Variants in LMBR1 observed in about 807,000 individuals in gnomAD.
LMBR1 encodes the protein limb development membrane protein 1.
LMBR1 carries 52 observed loss-of-function variants against 73.9 expected under a neutral mutation model. The ratio of observed to expected loss-of-function variants is 0.70; its 90% confidence interval spans 0.56 to 0.89. The LOEUF is 0.89. LMBR1 is among the 40% of genes least tolerant of loss of function. The pLI, the probability that LMBR1 is intolerant of heterozygous loss-of-function variation, is 0.00. For synonymous variants in LMBR1, 215 were observed against 209.4 expected (o/e 1.03, Z -0.23); for missense variants, 539 against 579.8 (o/e 0.93, Z 0.72).
At chr7:156,808,370 T>G (rs1832513010) in intron 4 of LMBR1, among the ~76,000 whole-genome samples, 2 of 152,160 alleles carry the variant, frequency 1.3e-5, no homozygotes, top group Non-Finnish European at 2.9e-5. Context: ...GGTAATATTC[T>G]TTGCCCTTGT....
chr7:156,784,997 A>G (rs1345476535), intron 5 of LMBR1, among the ~76,000 whole-genome samples: 1 of 152,230 alleles, frequency 6.6e-6, no homozygotes, highest in South Asian at 2.1e-4. Context: ...CGGCACCAGA[A>G]AAATATATGT....
In LMBR1 at chr7:156,796,408, C is replaced by T; in HGVS notation, c.404G>A (p.Gly135Asp). The change falls in exon 5 of 17, where the codon GGC becomes GAC. Residue 135 changes from glycine to aspartate, a missense_variant. By Grantham distance (94) the Gly-to-Asp change is moderately conservative (BLOSUM62 -1). Coordinates refer to ENST00000353442, the MANE Select transcript of LMBR1 (RefSeq NM_022458.4). The stretch of plus-strand genomic sequence containing the variant: ...ACTTACCTTTTTCAGGCCAGCAAAG[C>T]CTTCTGATTCCAGAAAGAAAAAGGC... ...PFAFFFLESE[G>D]FAGLKKGIRA... is the part of the protein sequence containing the mutation. The T allele has an allele frequency of 6.2e-7, 1 of 1,603,750 alleles. No homozygotes were observed. The highest frequency in any genetic ancestry group is 8.5e-7 in the Non-Finnish European group (1 of 1,176,070).
intron 4 of LMBR1, among the ~76,000 whole-genome samples, chr7:156,810,753 G>A (rs1293081915): frequency 1.3e-5 from 2 of 151,642 alleles, no homozygotes; most frequent in African/African-American, 4.8e-5. Flanking sequence ...CAGCACTATT[G>A]TCACTTTTCA....
intron 4 of LMBR1, 36 bp from the exon 5 acceptor site, chr7:156,796,528 G>A (rs965135104): frequency 2.0e-5 from 27 of 1,363,458 alleles, no homozygotes; most frequent in East Asian, 2.4e-5. Flanking sequence ...AGAAAAACAG[G>A]TTAGATATTG....
Position 156,685,392 on chromosome 7 carries a change from G to A in LMBR1, c.1388-1229C>T, listed in dbSNP as rs181384618. On this transcript the variant is annotated intron_variant, in intron 16 of 16. Coordinates refer to ENST00000353442, the MANE Select transcript of LMBR1 (RefSeq NM_022458.4). The surrounding 1 kb of genome is among the most constrained non-coding windows in gnomAD (Gnocchi z 4.1). Reference sequence around the variant, plus strand: ...AGGAATGCATTCTGAGAAATGCGCTGTCGAGCGATTCTGTCGCTGTGATGC... The same window carrying A: ...AGGAATGCATTCTGAGAAATGCGCTATCGAGCGATTCTGTCGCTGTGATGC... Among the ~76,000 whole-genome samples, 1 of 152,342 alleles carries A rather than the reference G, an allele frequency of 6.6e-6. No individual in the cohort carries two copies. The highest frequency in any genetic ancestry group is 1.9e-4 in the East Asian group (1 of 5,182).
intron 10 of LMBR1, among the ~76,000 whole-genome samples, chr7:156,733,640 C>T (rs764980417): frequency 5.3e-5 from 8 of 152,078 alleles, no homozygotes; most frequent in Non-Finnish European, 1.0e-4. Flanking sequence ...AATAAAGGAA[C>T]ATCCTTCAGC....
intron 1 of LMBR1, among the ~76,000 whole-genome samples, chr7:156,862,115 G>C (rs1586298120): frequency 1.3e-5 from 2 of 152,176 alleles, no homozygotes; most frequent in Admixed American, 1.3e-4. Flanking sequence ...ACCAGAAACT[G>C]GGCAATTTAC....
intron 4 of LMBR1, among the ~76,000 whole-genome samples, chr7:156,817,290 A>G (rs999102053): frequency 3.3e-5 from 5 of 152,202 alleles, no homozygotes; most frequent in African/African-American, 9.6e-5. Context: ...GAGTTCAGCC[A>G]TACTCAATAA....
At chr7:156,865,485 T>C (rs544950722) in intron 1 of LMBR1, among the ~76,000 whole-genome samples, 8 of 152,180 alleles carry the variant, frequency 5.3e-5, no homozygotes, top group South Asian at 2.1e-4. Flanking sequence ...GAATTTAATA[T>C]TGATGGGATA....
chr7:156,877,140 A>C (rs533587036), intron 1 of LMBR1, among the ~76,000 whole-genome samples: 9 of 152,202 alleles, frequency 5.9e-5, no homozygotes, highest in Non-Finnish European at 7.3e-5. Flanking sequence ...TAGACACATA[A>C]ACTAGAAAAC....
chr7:156,714,804 C>A (rs564982700), intron 15 of LMBR1, among the ~76,000 whole-genome samples: 2 of 152,190 alleles, frequency 1.3e-5, no homozygotes, highest in Admixed American at 1.3e-4. Context: ...AAGTGCCTGG[C>A]ACTAAGAAGG....
At chr7:156,873,908 A>G (rs537272930) in intron 1 of LMBR1, among the ~76,000 whole-genome samples, 13 of 152,116 alleles carry the variant, frequency 8.5e-5, no homozygotes, top group Non-Finnish European at 1.5e-4. Context: ...GACTCTCCAC[A>G]TCCCCACCAG....
rs570255450 is a variant in LMBR1, at chr7:156,691,900, G to GA, written c.1226-3710dup. ...ATAATATTAGCTAAGACAGTGTTGG[G>GA]AAAAAAAAGTGACAAAGAGTATGAA... On this transcript the variant is annotated intron_variant, in intron 15 of 16. Transcript: ENST00000353442. Among the ~76,000 whole-genome samples, 15 of 151,782 alleles carry GA rather than the reference G, an allele frequency of 9.9e-5. No homozygotes were observed. In the South Asian group the frequency reaches 2.1e-3, roughly 21 times the overall value.
chr7:156,697,520 G>A (rs1808570217), intron 15 of LMBR1, among the ~76,000 whole-genome samples: 1 of 152,004 alleles, frequency 6.6e-6, no homozygotes, highest in Non-Finnish European at 1.5e-5. Context: ...TTCCCAGAGC[G>A]GCCGTTTATA....
At chr7:156,754,415 GT>G (rs1186019302) in intron 9 of LMBR1, among the ~76,000 whole-genome samples, 1 of 152,064 alleles carries the variant, frequency 6.6e-6, no homozygotes, top group Non-Finnish European at 1.5e-5. Context: ...TGGCTGTCAT[GT>G]TTTTTTGCAT....
chr7:156,683,187 A>G lies in LMBR1; in HGVS notation c.*891T>C, dbSNP rs1173217184. 1 of 152,240 alleles carries G rather than the reference A, an allele frequency of 6.6e-6. No individual in the cohort carries two copies. Among genetic ancestry groups the G allele is most frequent in the Non-Finnish European group, 1.5e-5 (1 of 68,030 alleles). The allele number at this position is 152,240 out of a possible 1,614,324, so 9.4% of individuals were successfully genotyped here. A position where few individuals can be genotyped will look rare whatever the true frequency, so the allele number is the denominator to read the frequency against. ...GGAGTTTCTACCACTCGGCATTTAT[A>G]GTTTTTATATGCATTGCAGAAGCAT... On this transcript the variant is annotated 3_prime_UTR_variant, in exon 17 of 17. Transcript: ENST00000353442.
chr7:156,783,988 GT>G (rs1221913229), intron 5 of LMBR1, among the ~76,000 whole-genome samples: 1 of 144,078 alleles, frequency 6.9e-6, no homozygotes, highest in East Asian at 2.0e-4. Flanking sequence ...GTTATTTTGG[GT>G]TTTTTTCTGT....
At chr7:156,719,128 C>G (rs187386599) in intron 15 of LMBR1, among the ~76,000 whole-genome samples, 81 of 134,668 alleles carry the variant, frequency 6.0e-4, no homozygotes, top group Non-Finnish European at 1.1e-3. Flanking sequence ...TGCTATCCCC[C>G]CCCTCCCCCC....
chr7:156,699,099 C>T (rs11978378), intron 15 of LMBR1, among the ~76,000 whole-genome samples: 56,563 of 152,020 alleles, frequency 0.37, 10,973 homozygotes, highest in Middle Eastern at 0.47. Flanking sequence ...GTTGAAAGTT[C>T]CACAAATCTC....
Sources: allele counts gnomAD v4.1 joint callset (sites outside exome capture counted in the v4.1 genomes callset), GRCh38; gene constraint gnomAD v4.1.1; non-coding constraint Gnocchi (gnomAD v3.1); transcripts MANE v1.5; gene names NCBI Gene and HGNC (gene_info 2026-07-23, HGNC 2026-07-21).